C8orf34: variants seen among roughly 807,000 people sequenced by gnomAD.
C8orf34 encodes the protein uncharacterized protein C8orf34.
C8orf34 carries 65 observed loss-of-function variants against 68.3 expected under a neutral mutation model. The observed-to-expected ratio is 0.95, with a 90% CI of 0.78 to 1.17. C8orf34 has a LOEUF of 1.17. Ranked by LOEUF, C8orf34 falls within the 50% of genes most tolerant of loss-of-function variation. The pLI is 0.00. For synonymous variants in C8orf34, 244 were observed against 241.2 expected (o/e 1.01, Z -0.11); for missense variants, 664 against 655.4 (o/e 1.01, Z -0.14).
At chr8:68,385,838 A>G (rs1808235959) in intron 1 of C8orf34, among the ~76,000 whole-genome samples, 1 of 152,254 alleles carries the variant, frequency 6.6e-6, no homozygotes, top group Non-Finnish European at 1.5e-5. Flanking sequence ...TGCTAGTGCC[A>G]GAACATGGCC....
intron 1 of C8orf34, among the ~76,000 whole-genome samples, chr8:68,360,756 C>CTT (rs397955906): frequency 6.3e-4 from 85 of 134,744 alleles, no homozygotes; most frequent in African/African-American, 1.1e-3. Flanking sequence ...TTCTTCCTTT[C>CTT]TTTTTTTTTT....
At chr8:68,574,810 T>C (rs1025158593) in intron 7 of C8orf34, among the ~76,000 whole-genome samples, 2 of 152,042 alleles carry the variant, frequency 1.3e-5, no homozygotes, top group Non-Finnish European at 2.9e-5. Context: ...TCTTCAAAAG[T>C]AGAAAATAAT....
chr8:68,536,358 C>CA (rs10696903), intron 7 of C8orf34, among the ~76,000 whole-genome samples: 11,565 of 49,210 alleles, frequency 0.24, 2,067 homozygotes, highest in African/African-American at 0.42. Flanking sequence ...GACCCTATCT[C>CA]AAAAAAAAAA....
chr8:68,332,175 C>A (rs942088288), intron 1 of C8orf34, among the ~76,000 whole-genome samples: 1 of 151,022 alleles, frequency 6.6e-6, no homozygotes, highest in East Asian at 2.0e-4. Context: ...AAAATGAGAA[C>A]AAGAGATTGA....
At chr8:68,427,612 A>G (rs1376285283) in intron 1 of C8orf34, among the ~76,000 whole-genome samples, 1 of 152,074 alleles carries the variant, frequency 6.6e-6, no homozygotes, top group African/African-American at 2.4e-5. Context: ...ACAATTAATC[A>G]TCTTGACTGT....
chr8:68,685,107 T>C (rs1291123052), intron 8 of C8orf34, among the ~76,000 whole-genome samples: 3 of 151,950 alleles, frequency 2.0e-5, no homozygotes, highest in African/African-American at 4.8e-5. Flanking sequence ...TACTAAGGTA[T>C]GTTTTAACTC....
chr8:68,783,174 A>T (rs957256995), intron 11 of C8orf34, among the ~76,000 whole-genome samples: 1 of 152,172 alleles, frequency 6.6e-6, no homozygotes, highest in African/African-American at 2.4e-5. Flanking sequence ...CCTAAAGGGA[A>T]AAGTCAAGCT....
At chr8:68,667,070 GA>G (rs1452563279) in intron 8 of C8orf34, among the ~76,000 whole-genome samples, 9 of 152,124 alleles carry the variant, frequency 5.9e-5, no homozygotes, top group African/African-American at 1.7e-4. Context: ...TACAAAATAT[GA>G]AAAACCTTCT....
intron 1 of C8orf34, among the ~76,000 whole-genome samples, chr8:68,430,277 G>A (rs1162611166): frequency 1.3e-5 from 2 of 152,162 alleles, no homozygotes; most frequent in Non-Finnish European, 2.9e-5. Context: ...CGACCCCACA[G>A]GGACAGAAGC....
rs147747252 is a variant in C8orf34, at chr8:68,753,330, C to T, written c.1405-23069C>T. Among the ~76,000 whole-genome samples, 510 of 152,102 alleles carry T rather than the reference C, an allele frequency of 3.4e-3. 3 individuals carry two copies. Among genetic ancestry groups the T allele is most frequent in the African/African-American group, 0.012 (491 of 41,486 alleles). On this transcript the variant is annotated intron_variant, in intron 10 of 13. Transcript: ENST00000518698. ...GCTAACATGGCCCCTCTCACTAAAC[C>T]GATTGCATGAAGCCTTGTAGAAAAA... is the stretch of plus-strand genomic sequence containing the variant.
chr8:68,393,370 A>T (rs375002010), intron 1 of C8orf34, among the ~76,000 whole-genome samples: 8 of 152,294 alleles, frequency 5.3e-5, no homozygotes, highest in Admixed American at 3.3e-4. Context: ...AGCAAAAAAA[A>T]TAGAGGACAT....
intron 12 of C8orf34, among the ~76,000 whole-genome samples, chr8:68,809,755 T>C (rs1824590630): frequency 6.6e-6 from 1 of 152,200 alleles, no homozygotes; most frequent in Admixed American, 6.5e-5. Flanking sequence ...AACTATTCCC[T>C]CGAGCAGATG....
intron 6 of C8orf34, 137 bp downstream of exon 6, chr8:68,522,108 T>C: frequency 1.6e-6 from 1 of 643,062 alleles, no homozygotes; most frequent in Non-Finnish European, 2.4e-6. Context: ...ATACATAGGA[T>C]AAAAACATCA....
At chr8:68,568,730 T>C (rs1357528077) in intron 7 of C8orf34, among the ~76,000 whole-genome samples, 3 of 152,190 alleles carry the variant, frequency 2.0e-5, no homozygotes. Context: ...GAAATTCTAA[T>C]GATATAAGGC....
intron 3 of C8orf34, among the ~76,000 whole-genome samples, chr8:68,457,336 G>A (rs1259796652): frequency 6.6e-6 from 1 of 152,144 alleles, no homozygotes; most frequent in Non-Finnish European, 1.5e-5. Context: ...CAGAAGACAT[G>A]AAGTAATTAT....
chr8:68,460,883 T>C (rs1811785909), intron 3 of C8orf34, among the ~76,000 whole-genome samples: 1 of 151,968 alleles, frequency 6.6e-6, no homozygotes, highest in Admixed American at 6.6e-5. Flanking sequence ...AAAAGCAGAG[T>C]GCCTCTCCTC....
At chr8:68,562,140 T>C (rs112037287) in intron 7 of C8orf34, among the ~76,000 whole-genome samples, 136 of 152,332 alleles carry the variant, frequency 8.9e-4, no homozygotes, top group African/African-American at 3.2e-3. Context: ...GTAGGTTTGT[T>C]CACACCAGCA....
At chr8:68,528,981 G>A (rs11779355) in intron 6 of C8orf34, among the ~76,000 whole-genome samples, 3,625 of 152,198 alleles carry the variant, frequency 0.024, 68 homozygotes, top group Admixed American at 0.053. Flanking sequence ...TCCACTCAGC[G>A]CTAGGTCCTT....
rs1028981452 is a variant in C8orf34 at position 68,331,121 on chromosome 8, C to T, written c.109C>T (p.Arg37Cys). 8.6e-6 allele frequency: 13 copies of T among 1,508,358 alleles called. No individual in the cohort carries two copies. Among genetic ancestry groups the T allele is most frequent in the Non-Finnish European group, 9.7e-6 (11 of 1,134,920 alleles). The allele number at this position is 1,508,358 out of a possible 1,614,324, so 93.4% of individuals were successfully genotyped here. A position where few individuals can be genotyped will look rare whatever the true frequency, so the allele number is the denominator to read the frequency against. ...RVAPRAATHA[R>C]GRGRASHAGQ... The stretch of plus-strand genomic sequence containing the variant: ...GGCTCCCCGGGCTGCCACCCACGCC[C>T]GCGGCCGGGGCCGAGCCAGCCACGC... The change falls in exon 1 of 14, where the codon CGC becomes TGC. Residue 37 changes from arginine to cysteine, a missense_variant. By Grantham distance (180) the Arg-to-Cys change is radical (BLOSUM62 -3). Transcript: ENST00000518698.
Sources: gnomAD v4.1 joint callset for allele counts (sites outside exome capture counted in the v4.1 genomes callset) on GRCh38, gnomAD v4.1.1 for gene constraint, MANE v1.5 for transcripts, NCBI Gene and HGNC (gene_info 2026-07-23, HGNC 2026-07-21) for gene names.